DIAPH2: variants seen among roughly 807,000 people sequenced by gnomAD.
The protein encoded by DIAPH2 is protein diaphanous homolog 2.
A neutral mutation model predicts 92.7 loss-of-function variants in DIAPH2; 35 were observed. The observed-to-expected ratio is 0.38, with a 90% confidence interval of 0.29 to 0.50. DIAPH2 has a LOEUF of 0.50. Ranked by LOEUF, DIAPH2 falls within the 20% of genes least tolerant of loss-of-function variation. The pLI is 0.94. For missense variants in DIAPH2, 701 were observed against 819.5 expected (o/e 0.86, Z 1.77); for synonymous variants, 301 against 280.4 (o/e 1.07, Z -0.73).
At chrX:96,801,157 T>A (rs1415747561) in intron 4 of DIAPH2, among the ~76,000 whole-genome samples, 1 of 112,467 alleles carries the variant, frequency 8.9e-6, no homozygotes, top group African/African-American at 3.2e-5. Context: ...GGGCTCTTTG[T>A]CAAAACCTCT....
chrX:97,494,723 G>T (rs2070746775), intron 26 of DIAPH2, among the ~76,000 whole-genome samples: 2 of 111,817 alleles, frequency 1.8e-5, no homozygotes, highest in Non-Finnish European at 3.8e-5. Context: ...TGTGTGGGAG[G>T]ATTCCTAATT....
At chrX:97,257,081 T>C (rs2068243778) in intron 23 of DIAPH2, among the ~76,000 whole-genome samples, 1 of 111,022 alleles carries the variant, frequency 9.0e-6, no homozygotes, top group South Asian at 3.8e-4. Context: ...ATGTTGCAAA[T>C]GTAAGATAGG....
intron 25 of DIAPH2, among the ~76,000 whole-genome samples, chrX:97,418,960 T>C (rs2069978269): frequency 1.8e-5 from 2 of 111,925 alleles, no homozygotes; most frequent in African/African-American, 6.5e-5. Flanking sequence ...TAGACTTATA[T>C]TGAATGTTGA....
chrX:96,715,812 AAG>A (rs1569372939), intron 1 of DIAPH2, among the ~76,000 whole-genome samples: 1 of 111,620 alleles, frequency 9.0e-6, no homozygotes, highest in Admixed American at 9.5e-5. Context: ...ACATAGCCAA[AAG>A]TAGCAGTCTT....
chrX:97,229,604 C>T (rs1033966865), intron 22 of DIAPH2, among the ~76,000 whole-genome samples: 1 of 110,058 alleles, frequency 9.1e-6, no homozygotes, highest in Non-Finnish European at 1.9e-5. Flanking sequence ...TAATCAGAAA[C>T]AGATCTGGTT....
At chrX:97,341,697 A>G (rs2069114877) in intron 23 of DIAPH2, among the ~76,000 whole-genome samples, 1 of 111,098 alleles carries the variant, frequency 9.0e-6, no homozygotes. Context: ...CCCAAAAACC[A>G]GGAATGTCAA....
At chrX:97,203,824 G>A (rs1224646213) in intron 22 of DIAPH2, among the ~76,000 whole-genome samples, 1 of 111,606 alleles carries the variant, frequency 9.0e-6, no homozygotes, top group Non-Finnish European at 1.9e-5. Context: ...CATATTATGA[G>A]GCCAGCACGA....
chrX:96,732,269 G>A (rs776692264), intron 1 of DIAPH2, among the ~76,000 whole-genome samples: 13 of 111,609 alleles, frequency 1.2e-4, no homozygotes, highest in African/African-American at 3.9e-4. Context: ...AAATGATTTC[G>A]TTTTGTTTGC....
intron 25 of DIAPH2, among the ~76,000 whole-genome samples, chrX:97,393,359 A>G (rs1443807408): frequency 1.8e-5 from 2 of 112,016 alleles, no homozygotes; most frequent in Non-Finnish European, 3.8e-5. Context: ...AGATAATTAT[A>G]TATTGATATA....
At chrX:96,814,184 T>C (rs1353438373) in intron 4 of DIAPH2, among the ~76,000 whole-genome samples, 1 of 112,011 alleles carries the variant, frequency 8.9e-6, no homozygotes, top group Non-Finnish European at 1.9e-5. Flanking sequence ...ATTTGGTCTT[T>C]TCACATATTC....
chrX:97,444,629 C>T (rs1417051705), intron 26 of DIAPH2, among the ~76,000 whole-genome samples: 2 of 110,988 alleles, frequency 1.8e-5, no homozygotes, highest in African/African-American at 6.5e-5. Context: ...GTGGATAATC[C>T]AGTGTTTATT....
chrX:97,505,927 C>T (rs1181342436), intron 26 of DIAPH2, among the ~76,000 whole-genome samples: 1 of 110,216 alleles, frequency 9.1e-6, no homozygotes, highest in Admixed American at 9.8e-5. Context: ...TTCCAATTCC[C>T]TCCTATTTTT....
chrX:97,371,012 G>T (rs191447578), intron 24 of DIAPH2, among the ~76,000 whole-genome samples: 3 of 111,619 alleles, frequency 2.7e-5, no homozygotes, highest in African/African-American at 6.5e-5. Flanking sequence ...TATTTTAGAA[G>T]ATTTAGAGCA....
chrX:97,422,264 T>C (rs1455879230), intron 25 of DIAPH2, among the ~76,000 whole-genome samples: 2 of 111,326 alleles, frequency 1.8e-5, no homozygotes, highest in Admixed American at 1.9e-4. Context: ...TAGATTTTAT[T>C]ATCTGTGAAC....
chrX:97,211,371 A>C (rs1359091039), intron 22 of DIAPH2, among the ~76,000 whole-genome samples: 2 of 111,334 alleles, frequency 1.8e-5, no homozygotes, highest in Non-Finnish European at 3.8e-5. Flanking sequence ...AAGAAAAAAA[A>C]AACTAATAGT....
chrX:96,888,074 T>G (rs964219157), intron 5 of DIAPH2, among the ~76,000 whole-genome samples: 2 of 108,589 alleles, frequency 1.8e-5, no homozygotes, highest in African/African-American at 6.7e-5. Flanking sequence ...CTCTTTTTTT[T>G]TTTGAGACAG....
intron 23 of DIAPH2, among the ~76,000 whole-genome samples, chrX:97,309,766 G>A (rs1348036602): frequency 8.9e-6 from 1 of 112,079 alleles, no homozygotes; most frequent in Non-Finnish European, 1.9e-5. Flanking sequence ...ATACAAAATA[G>A]TAGATATTCC....
chrX:96,968,439 G>A (rs1441272154), intron 17 of DIAPH2, among the ~76,000 whole-genome samples: 1 of 110,225 alleles, frequency 9.1e-6, no homozygotes, highest in Admixed American at 9.7e-5. Flanking sequence ...GGCTGGTCTC[G>A]AACTCCCGAC....
At chrX:96,810,480 C>G (rs1430112566) in intron 4 of DIAPH2, among the ~76,000 whole-genome samples, 5 of 111,625 alleles carry the variant, frequency 4.5e-5, no homozygotes, top group African/African-American at 6.5e-5. Flanking sequence ...CCTGTTCACT[C>G]TGATGGGAGT....
Sources: gnomAD v4.1 joint callset for allele counts (sites outside exome capture counted in the v4.1 genomes callset) on GRCh38, gnomAD v4.1.1 for gene constraint, MANE v1.5 for transcripts, NCBI Gene and HGNC (gene_info 2026-07-23, HGNC 2026-07-21) for gene names.